NOTCH2NLC: variants seen among roughly 807,000 people sequenced by gnomAD.
The protein encoded by NOTCH2NLC is notch homolog 2 N-terminal-like protein C.
In NOTCH2NLC, 4 loss-of-function variants were observed where a neutral mutation model predicts 17.7. The ratio of observed to expected loss-of-function variants is 0.23; its 90% confidence interval spans 0.11 to 0.52. NOTCH2NLC has a LOEUF of 0.52. NOTCH2NLC is among the 20% of genes least tolerant of loss of function. The probability of loss-of-function intolerance (pLI) is 0.96; values close to 1 mark genes in which losing one functional copy is unlikely to be tolerated. For synonymous variants in NOTCH2NLC, 18 were observed against 86.0 expected, an observed-to-expected ratio of 0.21 and a Z score of 4.38; for missense variants, 57 against 207.2, an observed-to-expected ratio of 0.28 and a Z score of 4.45.
At chr1:149,462,930 G>C (rs1673006340) in intron 3 of NOTCH2NLC, among the ~76,000 whole-genome samples, 2 of 145,174 alleles carry the variant, frequency 1.4e-5, no homozygotes, top group South Asian at 4.5e-4. Flanking sequence ...CCGCCTCCTG[G>C]GTTCAAGTGA....
rs2084701583 is a variant in NOTCH2NLC at position 149,468,953 on chromosome 1, C to CT, written c.*4804dup. On this transcript the variant is annotated 3_prime_UTR_variant, in exon 5 of 5. Coordinates refer to ENST00000650865, the MANE Select transcript of NOTCH2NLC (RefSeq NM_001364013.2). ...TTGGGGGCATGTGTCATTTTCTTTT[C>CT]TTTTCTTTTTTTTTTTTTTTTTTTT... 5.1e-5 allele frequency among the ~76,000 whole-genome samples: 5 copies of CT among 98,184 alleles called. No individual in the cohort carries two copies. The South Asian group carries it at 1.1e-3, about 22-fold the overall frequency. 64.4% of individuals were successfully genotyped at this position (98,184 alleles called of 152,430 possible).
At chr1:149,393,134 A>G (rs1484604126) in intron 1 of NOTCH2NLC, among the ~76,000 whole-genome samples, 1 of 150,120 alleles carries the variant, frequency 6.7e-6, no homozygotes, top group African/African-American at 2.4e-5. Context: ...ACTCTGACAC[A>G]TAGGGCTTCT....
intron 3 of NOTCH2NLC, among the ~76,000 whole-genome samples, chr1:149,460,867 CTT>C: frequency 1.5e-4 from 2 of 13,620 alleles, no homozygotes; most frequent in South Asian, 4.7e-3. Flanking sequence ...TTCTTTCTTT[CTT>C]TCTTTCTTTC....
chr1:149,442,127 G>C (rs2084523263), intron 2 of NOTCH2NLC, among the ~76,000 whole-genome samples: 1 of 150,744 alleles, frequency 6.6e-6, no homozygotes, highest in African/African-American at 2.4e-5. Context: ...CTGTGCTCAA[G>C]AAAACAGGCT....
At chr1:149,417,293 A>G (rs1461877387) in intron 1 of NOTCH2NLC, among the ~76,000 whole-genome samples, 2 of 150,158 alleles carry the variant, frequency 1.3e-5, no homozygotes, top group Non-Finnish European at 3.0e-5. Flanking sequence ...TATTTTCAGT[A>G]GAGACGGGGT....
At chr1:149,424,038 G>C (rs2084396655) in intron 1 of NOTCH2NLC, among the ~76,000 whole-genome samples, 1 of 151,118 alleles carries the variant, frequency 6.6e-6, no homozygotes, top group Non-Finnish European at 1.5e-5. Context: ...ATACTGAAAA[G>C]CATTGGAAAA....
intron 1 of NOTCH2NLC, among the ~76,000 whole-genome samples, chr1:149,419,675 G>T (rs1368376955): frequency 6.7e-6 from 1 of 149,552 alleles, no homozygotes; most frequent in Admixed American, 6.7e-5. Flanking sequence ...AAGAGGAACT[G>T]ATTTGGACAT....
chr1:149,471,477 T>C lies in NOTCH2NLC; in HGVS notation c.*7324T>C, dbSNP rs1431310171. On this transcript the variant is annotated 3_prime_UTR_variant, in exon 5 of 5. Transcript: ENST00000650865. The stretch of plus-strand genomic sequence containing the variant: ...AGGTCTCTGATCCATTTTGAGTTAA[T>C]TTTTATGTGCAAGGAGGGAGTCTAA... Among the ~76,000 whole-genome samples the C allele has an allele frequency of 5.3e-3, 799 of 150,872 alleles. 23 individuals are homozygous for C. The highest frequency in any genetic ancestry group is 0.01 in the Middle Eastern group (3 of 290).
chr1:149,407,275 C>G (rs1243809862), intron 1 of NOTCH2NLC, among the ~76,000 whole-genome samples: 1 of 131,614 alleles, frequency 7.6e-6, no homozygotes, highest in Non-Finnish European at 1.6e-5. Context: ...GCGAAGTGGC[C>G]TATGTCGGAT....
intron 2 of NOTCH2NLC, among the ~76,000 whole-genome samples, chr1:149,444,674 A>T (rs1215088277): frequency 1.3e-5 from 2 of 150,604 alleles, no homozygotes; most frequent in Non-Finnish European, 3.0e-5. Context: ...TACATAGTAG[A>T]AAAATGAGCT....
intron 1 of NOTCH2NLC, among the ~76,000 whole-genome samples, chr1:149,421,516 A>G (rs2084379642): frequency 1.4e-5 from 2 of 146,810 alleles, no homozygotes; most frequent in South Asian, 4.3e-4. Flanking sequence ...AAAAAAAAAA[A>G]AAAAGCTTTA....
chr1:149,415,681 TAAG>T (rs1347785148), intron 1 of NOTCH2NLC, among the ~76,000 whole-genome samples: 5 of 140,910 alleles, frequency 3.5e-5, no homozygotes, highest in African/African-American at 1.3e-4. Context: ...CATTTTAACA[TAAG>T]AAGGACAGTA....
In NOTCH2NLC at chr1:149,468,755, G is replaced by A. The variant is rs2084700545; in HGVS notation, c.*4602G>A. On this transcript the variant is annotated 3_prime_UTR_variant, in exon 5 of 5. Coordinates refer to ENST00000650865, the MANE Select transcript of NOTCH2NLC (RefSeq NM_001364013.2). ...TTAGAAAAAAGTGGAGGTCAGTAGG[G>A]AGATATGAAGGGACGCAAGTGGAAG... Among the ~76,000 whole-genome samples the A allele has an allele frequency of 2.1e-5, 3 of 143,770 alleles. No individual in the cohort carries two copies. The highest frequency in any genetic ancestry group is 7.6e-5 in the African/African-American group (3 of 39,308). 94.3% of individuals were successfully genotyped at this position (143,770 alleles called of 152,430 possible).
chr1:149,433,327 C>T (rs1292890159), intron 2 of NOTCH2NLC, among the ~76,000 whole-genome samples: 1 of 139,454 alleles, frequency 7.2e-6, no homozygotes, highest in Non-Finnish European at 1.6e-5. Context: ...ATACCTAATG[C>T]ACGTGGGGCT....
chr1:149,433,952 A>AT (rs2084468752), intron 2 of NOTCH2NLC, among the ~76,000 whole-genome samples: 2 of 147,942 alleles, frequency 1.4e-5, no homozygotes, highest in South Asian at 4.3e-4. Context: ...TGTCTCCAAA[A>AT]AAAAAAAAAA....
rs1175351947 is a variant in NOTCH2NLC at position 149,413,581 on chromosome 1, C to G, written c.136-17361C>G. Among the ~76,000 whole-genome samples the G allele has an allele frequency of 1.5e-4, 22 of 150,926 alleles. 1 individual carries two copies. Among genetic ancestry groups the G allele is most frequent in the Admixed American group, 1.4e-3 (21 of 15,172 alleles). ...ACAGCGGCCATGCCTGGGATATGAA[C>G]TCAGCTGTTTTGAGTGAGAAGGGGC... On this transcript the variant is annotated intron_variant, in intron 1 of 4. Transcript: ENST00000650865.
chr1:149,462,155 G>A (rs1235779901), intron 3 of NOTCH2NLC, among the ~76,000 whole-genome samples: 2 of 149,520 alleles, frequency 1.3e-5, no homozygotes, highest in African/African-American at 4.9e-5. Flanking sequence ...ATAATTCAAG[G>A]AGTTCTCATC....
intron 3 of NOTCH2NLC, among the ~76,000 whole-genome samples, chr1:149,460,941 T>G (rs2084646040): frequency 7.1e-6 from 1 of 140,700 alleles, no homozygotes; most frequent in Admixed American, 7.3e-5. Flanking sequence ...TTCTCTCTCT[T>G]TCCCTCTCTC....
rs1195916108 is a variant in NOTCH2NLC at position 149,437,680 on chromosome 1, G to T, written c.209+6665G>T. 4.0e-5 allele frequency among the ~76,000 whole-genome samples: 6 copies of T among 149,342 alleles called. No homozygotes were observed. In the East Asian group the frequency reaches 1.2e-3, roughly 29 times the overall value. On this transcript the variant is annotated intron_variant, in intron 2 of 4. Coordinates refer to ENST00000650865, the MANE Select transcript of NOTCH2NLC (RefSeq NM_001364013.2). ...GGGTTTCACTGTGTTAGCCAGGATG[G>T]TCTCTATCTCCTGACCTCATGATCT...
Sources: allele counts gnomAD v4.1 joint callset (sites outside exome capture counted in the v4.1 genomes callset), GRCh38; gene constraint gnomAD v4.1.1; transcripts MANE v1.5; gene names NCBI Gene and HGNC (gene_info 2026-07-23, HGNC 2026-07-21).